The following NOC3L variants were observed in gnomAD, a reference collection of about 807,000 sequenced individuals.
The protein encoded by NOC3L is nucleolar complex protein 3 homolog.
A neutral mutation model predicts 102.5 loss-of-function variants in NOC3L; 85 were observed. The ratio of observed to expected loss-of-function variants is 0.83; its 90% CI spans 0.70 to 0.99. NOC3L has a LOEUF of 0.99. Among genes scored for constraint, NOC3L ranks in the 50% least tolerant of loss-of-function variants. NOC3L has a pLI of 0.00. For missense variants in NOC3L, 878 were observed against 914.9 expected (o/e 0.96, Z 0.52); for synonymous variants, 303 against 309.4 (o/e 0.98, Z 0.22).
the NOC3L span, among the ~76,000 whole-genome samples, chr10:94,319,264 A>G: frequency 6.6e-6 from 1 of 152,248 alleles, no homozygotes; most frequent in African/African-American, 2.4e-5. Flanking sequence ...AAAGATAACT[A>G]AATTTAGTGT....
intron 19 of NOC3L, among the ~76,000 whole-genome samples, chr10:94,335,339 C>G (rs1002913228): frequency 6.6e-6 from 1 of 152,082 alleles, no homozygotes; most frequent in Non-Finnish European, 1.5e-5. Flanking sequence ...CCTCATCCTT[C>G]TCCACAAAGG....
At position 94,350,114 on chromosome 10, in the gene NOC3L, A is replaced by G. The variant is rs773588916; in HGVS notation, c.1127T>C (p.Leu376Ser). The G allele has an allele frequency of 1.9e-6, 3 of 1,613,760 alleles. No homozygotes were observed. The highest frequency in any genetic ancestry group is 2.5e-6 in the Non-Finnish European group (3 of 1,179,898). The change falls in exon 9 of 21, where the codon TTG (leucine) becomes TCG (serine). Residue 376 changes from leucine (L) to serine (S), a missense_variant and splice_region_variant. Physicochemically the swap from Leu to Ser is moderately radical, Grantham distance 145. Transcript: ENST00000371361. The stretch of plus-strand genomic sequence containing the variant: ...CAATAACCATTTACAGCAACTCACC[A>G]ATTTTGACATGTCATTCATGAGAGG... Reference protein sequence around the residue: ...IVPLMNDMSKLISEMCCEAVK... With the variant: ...IVPLMNDMSKSISEMCCEAVK...
Position 94,339,737 on chromosome 10 carries a change from A to G in NOC3L, c.1962+2T>C. 1 of 1,611,762 alleles carries G rather than the reference A, an allele frequency of 6.2e-7. No individual in the cohort carries two copies. The highest frequency in any genetic ancestry group is 1.3e-5 in the African/African-American group (1 of 74,960). On this transcript the variant is annotated splice_donor_variant, in intron 17 of 20. Transcript: ENST00000371361. LOFTEE classifies it high-confidence loss of function. ...GCTCTGTTCATTTGTATCACTACTTACATGCATTAATATTCTGGTAGTTGC... is the reference window on the plus strand; with the variant it reads ...GCTCTGTTCATTTGTATCACTACTTGCATGCATTAATATTCTGGTAGTTGC...
the NOC3L span, chr10:94,327,857 A>T: frequency 2.7e-6 from 1 of 371,832 alleles, no homozygotes; most frequent in South Asian, 2.3e-5. Flanking sequence ...CTCTTCCCCA[A>T]ACCTAGCCAC....
chr10:94,342,004 G>C (rs1461646155), intron 13 of NOC3L, among the ~76,000 whole-genome samples: 2 of 152,162 alleles, frequency 1.3e-5, no homozygotes, highest in African/African-American at 4.8e-5. Context: ...TCTGCACTGA[G>C]AAAGAAATTA....
At chr10:94,342,002 G>A (rs2054290681) in intron 13 of NOC3L, among the ~76,000 whole-genome samples, 1 of 152,180 alleles carries the variant, frequency 6.6e-6, no homozygotes, top group South Asian at 2.1e-4. Flanking sequence ...CTTCTGCACT[G>A]AGAAAGAAAT....
chr10:94,322,987 C>A, the NOC3L span, among the ~76,000 whole-genome samples: 1 of 152,112 alleles, frequency 6.6e-6, no homozygotes, highest in South Asian at 2.1e-4. Context: ...AGTTTAAAAT[C>A]TTGGAAATAT....
Position 94,338,654 on chromosome 10 carries a change from T to C in NOC3L, c.2045A>G (p.Tyr682Cys). 3.7e-6 allele frequency: 6 copies of C among 1,612,684 alleles called. No homozygotes were observed. The highest frequency in any genetic ancestry group is 5.1e-6 in the Non-Finnish European group (6 of 1,178,996). The part of the protein sequence containing the change: ...VFLPELDEPE[Y>C]CNAQNTALWE... Reference sequence around the variant, plus strand: ...CAGAGCAGTGTTCTGAGCATTGCAGTACTCAGGCTCATCCAGTTCAGGAAG... The same window carrying C: ...CAGAGCAGTGTTCTGAGCATTGCAGCACTCAGGCTCATCCAGTTCAGGAAG... Residue 682 changes from tyrosine (Y) to cysteine (C), a missense_variant, in exon 18 of 21, where the codon TAC (tyrosine) becomes TGC (cysteine). Physicochemically the swap from Tyr to Cys is radical, Grantham distance 194 (BLOSUM62 -2). Coordinates refer to ENST00000371361, the MANE Select transcript of NOC3L (RefSeq NM_022451.11).
rs1319331050 is a variant in NOC3L, at chr10:94,337,726, G to T, written c.2189+51C>A. On this transcript the variant is annotated intron_variant, in intron 19 of 20. Coordinates refer to ENST00000371361, the MANE Select transcript of NOC3L (RefSeq NM_022451.11). Reference sequence around the variant, plus strand: ...ATGAAACAGTCTTCTCATAGTAAGTGGCTATCAGCTCAATTCTGTAGTTTT... The same window carrying T: ...ATGAAACAGTCTTCTCATAGTAAGTTGCTATCAGCTCAATTCTGTAGTTTT... The T allele has an allele frequency of 5.0e-6, 6 of 1,189,484 alleles. No individual in the cohort carries two copies. In the South Asian group the frequency reaches 7.6e-5, roughly 15 times the overall value. 73.7% of individuals were successfully genotyped at this position (1,189,484 alleles called of 1,614,324 possible).
chr10:94,324,210 A>G, the NOC3L span: 1 of 767,340 alleles, frequency 1.3e-6, no homozygotes, highest in South Asian at 1.4e-5. Context: ...CAACTGCAAA[A>G]TGAGTTGGAT....
the NOC3L span, among the ~76,000 whole-genome samples, chr10:94,317,658 G>A: frequency 6.6e-6 from 1 of 152,126 alleles, no homozygotes; most frequent in African/African-American, 2.4e-5. Flanking sequence ...GATCATTCCT[G>A]GGAAGGAAAG....
chr10:94,333,212 T>C (rs902229362), downstream of NOC3L: 3 of 152,032 alleles, frequency 2.0e-5, no homozygotes, highest in African/African-American at 4.8e-5. Context: ...CAAAAAATTA[T>C]CATATCACAA....
At chr10:94,322,230 C>A in the NOC3L span, among the ~76,000 whole-genome samples, 2 of 152,056 alleles carry the variant, frequency 1.3e-5, no homozygotes, top group African/African-American at 4.8e-5. Flanking sequence ...GTGGCTCATG[C>A]CTGTAATCCC....
the NOC3L span, among the ~76,000 whole-genome samples, chr10:94,326,069 GGTAA>G: frequency 2.0e-5 from 3 of 152,132 alleles, no homozygotes; most frequent in Admixed American, 6.6e-5. Flanking sequence ...GGGAACCAGT[GGTAA>G]GTCTCTCCTT....
At chr10:94,339,683 A>C in intron 17 of NOC3L, 56 bp downstream of exon 17, 1 of 1,391,204 alleles carries the variant, frequency 7.2e-7, no homozygotes, top group Non-Finnish European at 9.8e-7. Flanking sequence ...TGCCTCAAAC[A>C]AAAAAAATCA....
rs745585596 is a variant in NOC3L, at chr10:94,334,626, T to C, written c.2274+8A>G. 2 of 1,600,608 alleles carry C rather than the reference T, an allele frequency of 1.2e-6. No homozygotes were observed. Among genetic ancestry groups the C allele is most frequent in the African/African-American group, 1.3e-5 (1 of 74,560 alleles). On this transcript the variant is annotated splice_region_variant and intron_variant, in intron 20 of 20. Coordinates refer to ENST00000371361, the MANE Select transcript of NOC3L (RefSeq NM_022451.11). ...TCTTCCTTTAAAAAAATGAAAAATA[T>C]CCCATACCTTTATTTTGGGGTTTGA...
chr10:94,340,706 G>A (rs1056295670), intron 14 of NOC3L, among the ~76,000 whole-genome samples: 1 of 152,014 alleles, frequency 6.6e-6, no homozygotes, highest in Non-Finnish European at 1.5e-5. Context: ...TCAGGGCCGG[G>A]CGCGGTGGCT....
the NOC3L span, among the ~76,000 whole-genome samples, chr10:94,319,370 A>G: frequency 6.6e-6 from 1 of 152,250 alleles, no homozygotes; most frequent in Non-Finnish European, 1.5e-5. Context: ...GCACTACTAG[A>G]GGAGACAGAT....
chr10:94,335,680 C>T (rs934602293), intron 19 of NOC3L, among the ~76,000 whole-genome samples: 5 of 152,032 alleles, frequency 3.3e-5, no homozygotes, highest in South Asian at 2.1e-4. Context: ...TCAAGAAAAG[C>T]GGGAAATGTG....
Sources: gnomAD v4.1 joint callset for allele counts (sites outside exome capture counted in the v4.1 genomes callset) on GRCh38, gnomAD v4.1.1 for gene constraint, MANE v1.5 for transcripts, NCBI Gene and HGNC (gene_info 2026-07-23, HGNC 2026-07-21) for gene names.